Variants in LCOR observed in about 807,000 individuals in gnomAD.
LCOR encodes the protein ligand-dependent corepressor.
In LCOR, 14 loss-of-function variants were observed where a neutral mutation model predicts 64.4. The ratio of observed to expected loss-of-function variants is 0.22; its 90% CI spans 0.14 to 0.34. The LOEUF (loss-of-function observed/expected upper bound fraction) is 0.34, where lower values mean the gene tolerates loss of function less well. Ranked by LOEUF, LCOR falls within the 10% of genes least tolerant of loss-of-function variation. The pLI, the probability that LCOR is intolerant of heterozygous loss-of-function variation, is 1.00. For missense variants in LCOR, 1,686 were observed against 1,765.3 expected (o/e 0.96, Z 0.80); for synonymous variants, 643 against 642.5 (o/e 1.00, Z -0.01).
At chr10:96,906,301 C>T (rs557057338) in intron 2 of LCOR, among the ~76,000 whole-genome samples, 20 of 152,140 alleles carry the variant, frequency 1.3e-4, no homozygotes, top group African/African-American at 4.1e-4. Context: ...ACGTTAATTT[C>T]GAGGCCGCAC....
chr10:96,848,152 A>G (rs1206724547), intron 2 of LCOR, among the ~76,000 whole-genome samples: 1 of 152,204 alleles, frequency 6.6e-6, no homozygotes. Context: ...CAAATCAACT[A>G]TTTTGAGGAA....
At chr10:96,940,603 C>T (rs1847438179) in intron 4 of LCOR, among the ~76,000 whole-genome samples, 4 of 103,568 alleles carry the variant, frequency 3.9e-5, no homozygotes, top group African/African-American at 1.1e-4. Context: ...GTGGACACAG[C>T]ACATGTTTCA....
intron 5 of LCOR, among the ~76,000 whole-genome samples, chr10:96,944,582 C>T (rs1479883833): frequency 6.7e-6 from 1 of 149,806 alleles, no homozygotes; most frequent in Non-Finnish European, 1.5e-5. Flanking sequence ...TAACTAAATC[C>T]AACTGTGTGA....
chr10:96,846,383 G>T (rs140974042), intron 2 of LCOR, among the ~76,000 whole-genome samples: 258 of 152,174 alleles, frequency 1.7e-3, no homozygotes, highest in African/African-American at 5.6e-3. Context: ...GCCTCCTGAG[G>T]CTGGGACCAC....
intron 2 of LCOR, among the ~76,000 whole-genome samples, chr10:96,875,861 G>C (rs886755436): frequency 6.6e-6 from 1 of 151,974 alleles, no homozygotes; most frequent in Non-Finnish European, 1.5e-5. Context: ...GAGAGACCCT[G>C]TCTCAGAAAA....
At chr10:96,865,733 G>C (rs757352620) in intron 2 of LCOR, among the ~76,000 whole-genome samples, 6 of 152,024 alleles carry the variant, frequency 3.9e-5, no homozygotes, top group Non-Finnish European at 7.4e-5. Flanking sequence ...AATTAGTCGG[G>C]TGTGGTGGCA....
intron 1 of LCOR, chr10:96,833,065 CACTTCCTCAGCGGGCGGCGGT>C: frequency 1.0e-6 from 1 of 986,420 alleles, no homozygotes; most frequent in Non-Finnish European, 1.2e-6. Context: ...GCAGCGGCTG[CACTTCCTCAGCGGGCGGCGGT>C]GGCCGGGGAG....
At chr10:96,898,989 G>A (rs947119235) in intron 2 of LCOR, among the ~76,000 whole-genome samples, 3 of 152,092 alleles carry the variant, frequency 2.0e-5, no homozygotes, top group Admixed American at 2.0e-4. Context: ...CTCAATGACC[G>A]GAATACTTGG....
chr10:96,888,908 A>G (rs1846391720), intron 2 of LCOR, among the ~76,000 whole-genome samples: 1 of 152,228 alleles, frequency 6.6e-6, no homozygotes, highest in African/African-American at 2.4e-5. Flanking sequence ...ATGGAATCAT[A>G]CACTGTGTAA....
At chr10:96,899,816 C>T (rs2134444152) in intron 2 of LCOR, among the ~76,000 whole-genome samples, 1 of 152,180 alleles carries the variant, frequency 6.6e-6, no homozygotes, top group Admixed American at 6.5e-5. Flanking sequence ...TTCAATTATA[C>T]ATTTTAAATT....
At chr10:96,857,601 G>A (rs929840808) in intron 2 of LCOR, among the ~76,000 whole-genome samples, 1 of 152,136 alleles carries the variant, frequency 6.6e-6, no homozygotes, top group African/African-American at 2.4e-5. Context: ...TATTGAAAGT[G>A]AATATTCCAC....
intron 2 of LCOR, among the ~76,000 whole-genome samples, chr10:96,882,309 A>ACT (rs1846276908): frequency 6.6e-6 from 1 of 152,226 alleles, no homozygotes; most frequent in Non-Finnish European, 1.5e-5. Context: ...TGTCACGAAA[A>ACT]TCCAGCCTGA....
At chr10:96,930,660 C>T (rs1847242381) in intron 4 of LCOR, among the ~76,000 whole-genome samples, 3 of 152,138 alleles carry the variant, frequency 2.0e-5, no homozygotes, top group Admixed American at 2.0e-4. Context: ...AACTGCTGTG[C>T]TTTGAATGGG....
intron 5 of LCOR, among the ~76,000 whole-genome samples, chr10:96,948,080 A>G (rs1847618494): frequency 6.6e-6 from 1 of 152,230 alleles, no homozygotes; most frequent in African/African-American, 2.4e-5. Context: ...ATATATTTAT[A>G]CAAGTCATTT....
At chr10:96,882,734 TC>T (rs1393006962) in intron 2 of LCOR, among the ~76,000 whole-genome samples, 1 of 152,212 alleles carries the variant, frequency 6.6e-6, no homozygotes, top group African/African-American at 2.4e-5. Context: ...TGCCTGTTTA[TC>T]CCTCCTCTTG....
chr10:96,936,350 T>C (rs1847350576), intron 4 of LCOR, among the ~76,000 whole-genome samples: 1 of 151,976 alleles, frequency 6.6e-6, no homozygotes. Flanking sequence ...AAGAGCAAAC[T>C]AAACCCAAAG....
chr10:96,959,117 A>G (rs149688953), intron 7 of LCOR: 126 of 152,056 alleles, frequency 8.3e-4, no homozygotes, highest in African/African-American at 2.8e-3. Flanking sequence ...TGATTCCTTA[A>G]TATTTGATTT....
intron 7 of LCOR, among the ~76,000 whole-genome samples, chr10:96,952,771 C>G (rs1460900054): frequency 6.6e-6 from 1 of 151,912 alleles, no homozygotes; most frequent in Non-Finnish European, 1.5e-5. Flanking sequence ...TCTCTGACAC[C>G]CTAATTTTAT....
chr10:96,856,309 A>C (rs1446871514), intron 2 of LCOR, among the ~76,000 whole-genome samples: 1 of 151,984 alleles, frequency 6.6e-6, no homozygotes, highest in Non-Finnish European at 1.5e-5. Context: ...TGATCCGCCC[A>C]CTTGGCCTCC....
Sources: gnomAD v4.1 joint callset for allele counts (sites outside exome capture counted in the v4.1 genomes callset) on GRCh38, gnomAD v4.1.1 for gene constraint, MANE v1.5 for transcripts, NCBI Gene and HGNC (gene_info 2026-07-23, HGNC 2026-07-21) for gene names.